The following BLK variants were observed in gnomAD, a reference collection of about 807,000 sequenced individuals.
BLK encodes BLK proto-oncogene, Src family tyrosine kinase, also known as tyrosine-protein kinase Blk.
Under a neutral mutation model 61.8 loss-of-function variants are expected in BLK, and 64 were observed. The ratio of observed to expected loss-of-function variants is 1.03; its 90% CI spans 0.85 to 1.27. BLK has a LOEUF of 1.27. BLK is among the 50% of genes most tolerant of loss of function. The pLI, the probability that BLK is intolerant of heterozygous loss-of-function variation, is 0.00. For missense variants in BLK, 853 were observed against 660.5 expected, an observed-to-expected ratio of 1.29 and a Z score of -3.19; for synonymous variants, 351 against 272.0, an observed-to-expected ratio of 1.29 and a Z score of -2.86.
intron 1 of BLK, among the ~76,000 whole-genome samples, chr8:11,510,816 A>C (rs2618460): frequency 0.028 from 3,584 of 128,214 alleles, 5 homozygotes; most frequent in African/African-American, 0.034. Flanking sequence ...TAAATAAATA[A>C]ATACATAAAT....
At chr8:11,528,212 T>A (rs1035703123) in intron 1 of BLK, among the ~76,000 whole-genome samples, 15 of 152,136 alleles carry the variant, frequency 9.9e-5, no homozygotes, top group Non-Finnish European at 7.4e-5. Context: ...AATTTTTGTA[T>A]TTTTTGTAGA....
At chr8:11,502,799 GCTCTC>G (rs1250360754) in intron 1 of BLK, among the ~76,000 whole-genome samples, 2 of 152,102 alleles carry the variant, frequency 1.3e-5, no homozygotes, top group Non-Finnish European at 2.9e-5. Context: ...TGCCTCCTGG[GCTCTC>G]CTGAGTCCCG....
At chr8:11,556,575 C>T in intron 8 of BLK, 83 bp from the exon 9 acceptor site, 1 of 1,554,504 alleles carries the variant, frequency 6.4e-7, no homozygotes, top group South Asian at 1.1e-5. Context: ...GGCACCTGGG[C>T]ACTTACCCCG....
At chr8:11,522,432 C>T (rs937315502) in intron 1 of BLK, among the ~76,000 whole-genome samples, 22 of 152,190 alleles carry the variant, frequency 1.4e-4, no homozygotes, top group African/African-American at 4.6e-4. Flanking sequence ...TGGGTTCGAT[C>T]GCTTTGGGGA....
intron 1 of BLK, among the ~76,000 whole-genome samples, chr8:11,529,037 C>T (rs1171435030): frequency 2.0e-5 from 3 of 152,072 alleles, no homozygotes; most frequent in Non-Finnish European, 4.4e-5. Context: ...CAGCAAACCA[C>T]CATAGCACAC....
chr8:11,548,973 A>T (rs1276486532), intron 4 of BLK, 51 bp from the exon 5 acceptor site: 6 of 1,501,148 alleles, frequency 4.0e-6, no homozygotes, highest in Non-Finnish European at 4.6e-6. Flanking sequence ...CTGCCCAGTG[A>T]CGGGCCTACA....
At chr8:11,547,415 A>T (rs11987137) in intron 3 of BLK, among the ~76,000 whole-genome samples, 70,651 of 152,108 alleles carry the variant, frequency 0.46, 17,771 homozygotes, top group East Asian at 0.95. Flanking sequence ...AGCCTGCGTC[A>T]CAGCAGGGCT....
chr8:11,522,717 C>A (rs1198595677), intron 1 of BLK, among the ~76,000 whole-genome samples: 9 of 142,810 alleles, frequency 6.3e-5, no homozygotes, highest in Admixed American at 5.6e-4. Context: ...TTACAACAAA[C>A]AAATCTCAAA....
intron 1 of BLK, among the ~76,000 whole-genome samples, chr8:11,534,438 A>G (rs987076674): frequency 2.6e-5 from 4 of 152,182 alleles, no homozygotes; most frequent in African/African-American, 9.6e-5. Context: ...AAGGAATTTT[A>G]TCCGTCCCCA....
At chr8:11,528,632 T>C (rs550677478) in intron 1 of BLK, among the ~76,000 whole-genome samples, 2 of 152,212 alleles carry the variant, frequency 1.3e-5, no homozygotes, top group African/African-American at 4.8e-5. Context: ...GACCCCAGGG[T>C]AAAAGGAGTG....
chr8:11,516,579 C>T (rs1799237589), intron 1 of BLK, among the ~76,000 whole-genome samples: 1 of 152,208 alleles, frequency 6.6e-6, no homozygotes, highest in African/African-American at 2.4e-5. Flanking sequence ...CCCTGTTAAA[C>T]TAACTCCCCG....
At position 11,564,494 on chromosome 8, in the gene BLK, C is replaced by G. The variant is rs1801642850; in HGVS notation, c.*386C>G. The G allele has an allele frequency of 2.0e-6, 1 of 511,564 alleles. No individual in the cohort carries two copies. Among genetic ancestry groups the G allele is most frequent in the Non-Finnish European group, 3.8e-6 (1 of 263,206 alleles). 31.7% of individuals were successfully genotyped at this position (511,564 alleles called of 1,614,324 possible). A position where few individuals can be genotyped will look rare whatever the true frequency, so the allele number is the denominator to read the frequency against. ...CCTGCGTGGACCCCGCCCTGCCCCG[C>G]TACAGAAGCCAGACTGGGTCCCGCG... On this transcript the variant is annotated 3_prime_UTR_variant, in exon 13 of 13. Transcript: ENST00000259089.
intron 1 of BLK, among the ~76,000 whole-genome samples, chr8:11,494,994 A>C (rs1327225034): frequency 6.6e-6 from 1 of 152,222 alleles, no homozygotes; most frequent in Non-Finnish European, 1.5e-5. Flanking sequence ...TAGTGGTCAC[A>C]GGCGGGGAGC....
chr8:11,531,615 G>C (rs781065594), intron 1 of BLK, among the ~76,000 whole-genome samples: 2 of 152,158 alleles, frequency 1.3e-5, no homozygotes, highest in Non-Finnish European at 2.9e-5. Context: ...CGGGTCTATA[G>C]CTTCTATCAA....
At chr8:11,499,229 G>A (rs563750820) in intron 1 of BLK, among the ~76,000 whole-genome samples, 11 of 152,214 alleles carry the variant, frequency 7.2e-5, no homozygotes, top group East Asian at 3.8e-4. Context: ...TAGTACAGTC[G>A]CAGGCTGTGT....
At position 11,496,010 on chromosome 8, in the gene BLK, G is replaced by A. The variant is rs528655107; in HGVS notation, c.-2+1419G>A. On this transcript the variant is annotated intron_variant, in intron 1 of 12. Coordinates refer to ENST00000259089, the MANE Select transcript of BLK (RefSeq NM_001715.3). The stretch of plus-strand genomic sequence containing the variant: ...CTCAGAGCAGGAGTAGCCAAATCCT[G>A]AGCATTCTTGGGAAAACTGGCGTTC... 2.0e-5 allele frequency among the ~76,000 whole-genome samples: 3 copies of A among 152,294 alleles called. No individual in the cohort carries two copies. In the East Asian group the frequency reaches 5.8e-4, roughly 29 times the overall value.
chr8:11,562,370 T>C (rs1159865890), intron 11 of BLK, among the ~76,000 whole-genome samples: 10 of 152,186 alleles, frequency 6.6e-5, no homozygotes. Context: ...AGACAGGATA[T>C]GGCTTGTTCT....
At chr8:11,559,023 A>G in intron 10 of BLK, 1 of 456,318 alleles carries the variant, frequency 2.2e-6, no homozygotes, top group Non-Finnish European at 4.4e-6. Flanking sequence ...ACCGGCTTCA[A>G]ACCCCAGGGC....
intron 12 of BLK, among the ~76,000 whole-genome samples, chr8:11,563,488 A>C (rs1801585792): frequency 6.6e-6 from 1 of 152,218 alleles, no homozygotes; most frequent in African/African-American, 2.4e-5. Flanking sequence ...ATCGTGGACG[A>C]CAGCCCCCAG....
Sources: allele counts gnomAD v4.1 joint callset (sites outside exome capture counted in the v4.1 genomes callset), GRCh38; gene constraint gnomAD v4.1.1; transcripts MANE v1.5; gene names NCBI Gene and HGNC (gene_info 2026-07-23, HGNC 2026-07-21).